Variants in CAPS2 observed in about 807,000 individuals in gnomAD.
CAPS2 encodes the protein calcyphosin-2.
Under a neutral mutation model 86.5 loss-of-function variants are expected in CAPS2, and 98 were observed. The ratio of observed to expected loss-of-function variants is 1.13; its 90% confidence interval spans 0.96 to 1.34. The LOEUF is 1.34. Ranked by LOEUF, CAPS2 falls within the 40% of genes most tolerant of loss-of-function variation. CAPS2 has a pLI of 0.00. For synonymous variants in CAPS2, 210 were observed against 225.1 expected (o/e 0.93, Z 0.60); for missense variants, 729 against 686.8 (o/e 1.06, Z -0.69).
At chr12:75,277,154 A>G, downstream of CAPS2, 1 of 983,746 alleles carries the variant, frequency 1.0e-6, no homozygotes, top group Non-Finnish European at 1.2e-6. Flanking sequence ...GAAGATTAAG[A>G]TTAATACTAA....
At chr12:75,293,055 A>T (rs1432013824) in intron 12 of CAPS2, among the ~76,000 whole-genome samples, 194 bp downstream of exon 12, 2 of 152,172 alleles carry the variant, frequency 1.3e-5, no homozygotes, top group Non-Finnish European at 2.9e-5. Flanking sequence ...TTCATTGATT[A>T]TAACTGTTCC....
At chr12:75,379,292 T>C (rs550727696) in intron 1 of CAPS2, among the ~76,000 whole-genome samples, 1 of 152,344 alleles carries the variant, frequency 6.6e-6, no homozygotes, top group African/African-American at 2.4e-5. Context: ...AAATGGAGTT[T>C]ATTCACAGGA....
chr12:75,307,253 A>G (rs1185290144), intron 7 of CAPS2, among the ~76,000 whole-genome samples: 2 of 152,232 alleles, frequency 1.3e-5, no homozygotes, highest in South Asian at 2.1e-4. Context: ...GTTAACATAT[A>G]CATATTGTTT....
chr12:75,304,766 T>G lies in CAPS2; in HGVS notation c.770A>C (p.His257Pro), dbSNP rs761523502. 1.3e-5 allele frequency: 20 copies of G among 1,589,212 alleles called. No individual in the cohort carries two copies. Among genetic ancestry groups the G allele is most frequent in the Non-Finnish European group, 1.6e-5 (19 of 1,163,876 alleles). ...ATTAAAATCTTCTTACTTTGTTTCATGTAGTGTTCTTTTTCTAAATCGAAG... is the reference window on the plus strand; with the variant it reads ...ATTAAAATCTTCTTACTTTGTTTCAGGTAGTGTTCTTTTTCTAAATCGAAG... Residue 257 changes from histidine to proline, a missense_variant, in exon 8 of 17, where the codon CAT becomes CCT. Physicochemically the swap from His to Pro is moderately conservative, Grantham distance 77. Transcript: ENST00000393284.
chr12:75,356,874 T>C (rs1450773683), intron 1 of CAPS2, among the ~76,000 whole-genome samples: 2 of 152,116 alleles, frequency 1.3e-5, no homozygotes, highest in African/African-American at 4.8e-5. Flanking sequence ...GAAAAAAGTT[T>C]ACCATGCTAA....
At chr12:75,287,089 C>CAT (rs2035008884) in intron 14 of CAPS2, among the ~76,000 whole-genome samples, 1 of 150,232 alleles carries the variant, frequency 6.7e-6, no homozygotes. Context: ...CAAACACACA[C>CAT]ATATATATAC....
chr12:75,345,619 A>G (rs1294975072), intron 1 of CAPS2, among the ~76,000 whole-genome samples: 1 of 152,192 alleles, frequency 6.6e-6, no homozygotes, highest in Non-Finnish European at 1.5e-5. Flanking sequence ...AGGTTGTTCT[A>G]AGTCTAGACA....
intron 1 of CAPS2, among the ~76,000 whole-genome samples, chr12:75,351,949 C>A (rs566790160): frequency 1.4e-4 from 21 of 152,142 alleles, no homozygotes; most frequent in Non-Finnish European, 4.4e-5. Flanking sequence ...TTCAGACAAG[C>A]AAATGCTGAG....
intron 1 of CAPS2, among the ~76,000 whole-genome samples, chr12:75,339,582 G>A (rs989309109): frequency 3.3e-5 from 5 of 152,106 alleles, no homozygotes; most frequent in Admixed American, 2.0e-4. Context: ...CCGTACAGAA[G>A]CTCTTTAATT....
exon 17 of CAPS2, chr12:75,277,941 G>T: frequency 1.2e-6 from 1 of 842,692 alleles, no homozygotes; most frequent in Non-Finnish European, 1.4e-6. Context: ...TGTTTCAATT[G>T]TTTGTTATAC....
chr12:75,278,031 C>T, exon 17 of CAPS2: 1 of 892,876 alleles, frequency 1.1e-6, no homozygotes, highest in Non-Finnish European at 1.3e-6. Context: ...AATTACTGAA[C>T]TATTCCTTGG....
At position 75,372,102 on chromosome 12, in the gene CAPS2, C is replaced by T. The variant is rs148593925; in HGVS notation, c.-395+18736G>A. Among the ~76,000 whole-genome samples, 84 of 152,326 alleles carry T rather than the reference C, an allele frequency of 5.5e-4. No homozygotes were observed. In the East Asian group the frequency reaches 0.011, roughly 21 times the overall value. ...CGATCTTGGCTCACTGCAACCTCCG[C>T]CTGCTGGGTTCAAGTAATTCTCCTG... is the stretch of plus-strand genomic sequence containing the variant. On this transcript the variant is annotated intron_variant, in intron 1 of 5. Transcript: ENST00000551829.
At chr12:75,281,743 T>C (rs1041933231) in intron 16 of CAPS2, among the ~76,000 whole-genome samples, 1 of 152,050 alleles carries the variant, frequency 6.6e-6, no homozygotes, top group South Asian at 2.1e-4. Flanking sequence ...AAAACAATTA[T>C]GTAAAAAAGT....
chr12:75,341,308 G>A (rs923419391), intron 1 of CAPS2, among the ~76,000 whole-genome samples: 5 of 152,146 alleles, frequency 3.3e-5, no homozygotes, highest in African/African-American at 1.2e-4. Flanking sequence ...CATGGAATAT[G>A]ACTTGGTCAC....
chr12:75,297,530 C>A (rs960775999), intron 11 of CAPS2, among the ~76,000 whole-genome samples: 4 of 152,146 alleles, frequency 2.6e-5, no homozygotes, highest in African/African-American at 9.7e-5. Context: ...CTATCCTGCC[C>A]TTGTGTATCT....
intron 7 of CAPS2, chr12:75,305,678 T>G: frequency 1.5e-6 from 1 of 654,084 alleles, no homozygotes; most frequent in Non-Finnish European, 2.9e-6. Context: ...CACTGCCCAG[T>G]CTGGCCCGGC....
chr12:75,361,198 C>G (rs983224572), intron 1 of CAPS2, among the ~76,000 whole-genome samples: 6 of 150,752 alleles, frequency 4.0e-5, no homozygotes, highest in South Asian at 4.2e-4. Context: ...TGTTGGTATG[C>G]CAAAAAAAAT....
chr12:75,292,400 C>T (rs1014939219), intron 12 of CAPS2, among the ~76,000 whole-genome samples: 8 of 151,788 alleles, frequency 5.3e-5, no homozygotes, highest in Non-Finnish European at 1.2e-4. Context: ...ATGTTTTAAA[C>T]ATTTAATTAA....
intron 1 of CAPS2, chr12:75,367,011 G>A: frequency 1.4e-6 from 1 of 701,448 alleles, no homozygotes; most frequent in Non-Finnish European, 2.6e-6. Flanking sequence ...CAGAGCTGAG[G>A]AGGTAAGTCT....
Sources: allele counts gnomAD v4.1 joint callset (sites outside exome capture counted in the v4.1 genomes callset), GRCh38; gene constraint gnomAD v4.1.1; transcripts MANE v1.5; gene names NCBI Gene and HGNC (gene_info 2026-07-23, HGNC 2026-07-21).